The following ANKFN1 variants were observed in gnomAD, a reference collection of about 807,000 sequenced individuals.
The protein encoded by ANKFN1 is ankyrin repeat and fibronectin type-III domain-containing protein 1.
ANKFN1 carries 74 observed loss-of-function variants against 108.7 expected under a neutral mutation model. That is an observed-to-expected ratio of 0.68 (90% CI 0.56 to 0.83). The LOEUF is 0.83. Among genes scored for constraint, ANKFN1 ranks in the 40% least tolerant of loss-of-function variants. ANKFN1 has a pLI of 0.00. For synonymous variants in ANKFN1, 547 were observed against 516.2 expected (o/e 1.06, Z -0.81); for missense variants, 1,505 against 1,382.3 (o/e 1.09, Z -1.41).
At chr17:56,239,807 G>C (rs1392572768) in intron 3 of ANKFN1, among the ~76,000 whole-genome samples, 1 of 152,084 alleles carries the variant, frequency 6.6e-6, no homozygotes, top group African/African-American at 2.4e-5. Context: ...TACAAATGGG[G>C]TTCCTCAGAT....
chr17:56,154,422 G>A (rs1423677137), intron 1 of ANKFN1, among the ~76,000 whole-genome samples: 1 of 152,062 alleles, frequency 6.6e-6, no homozygotes, highest in Non-Finnish European at 1.5e-5. Context: ...AGAGATAAGT[G>A]CAAGTAAGGC....
At chr17:56,228,336 T>TTTCTTGTTTAACGGCA (rs1422168556) in intron 3 of ANKFN1, 5 of 205,666 alleles carry the variant, frequency 2.4e-5, no homozygotes, top group African/African-American at 1.2e-4. Flanking sequence ...TCACAGACTG[T>TTTCTTGTTTAACGGCA]TTCTTGTTTA....
At chr17:56,447,008 A>C (rs888345730) in intron 10 of ANKFN1, among the ~76,000 whole-genome samples, 8 of 152,006 alleles carry the variant, frequency 5.3e-5, no homozygotes, top group African/African-American at 1.9e-4. Context: ...GGATCACTTG[A>C]GGCCAGAAGT....
At chr17:56,105,070 G>A (rs1451977211) in intron 4 of ANKFN1, among the ~76,000 whole-genome samples, 2 of 152,202 alleles carry the variant, frequency 1.3e-5, no homozygotes, top group African/African-American at 2.4e-5. Flanking sequence ...TATAATGGGT[G>A]TACAGAGGGA....
chr17:56,128,914 A>G (rs935203651), intron 4 of ANKFN1, among the ~76,000 whole-genome samples: 2 of 152,194 alleles, frequency 1.3e-5, no homozygotes, highest in African/African-American at 2.4e-5. Flanking sequence ...TATTTGGGAT[A>G]AACACTGAAG....
intron 4 of ANKFN1, among the ~76,000 whole-genome samples, chr17:56,076,875 C>T (rs1905187916): frequency 6.6e-6 from 1 of 152,044 alleles, no homozygotes; most frequent in Non-Finnish European, 1.5e-5. Context: ...TGTTTGTCAC[C>T]AACCTACCTT....
At chr17:56,144,608 G>A (rs960417129) in intron 4 of ANKFN1, among the ~76,000 whole-genome samples, 10 of 152,156 alleles carry the variant, frequency 6.6e-5, no homozygotes, top group African/African-American at 2.2e-4. Context: ...CTCTCACTGA[G>A]CAAAAAGATG....
chr17:56,078,708 C>T (rs1905210303), intron 4 of ANKFN1, among the ~76,000 whole-genome samples: 1 of 152,132 alleles, frequency 6.6e-6, no homozygotes, highest in Non-Finnish European at 1.5e-5. Context: ...GGGCAGGCAT[C>T]GTGGAGCTGA....
At chr17:56,314,607 T>C (rs191719495) in intron 3 of ANKFN1, among the ~76,000 whole-genome samples, 1 of 152,210 alleles carries the variant, frequency 6.6e-6, no homozygotes, top group Non-Finnish European at 1.5e-5. Context: ...TTTCACTTTA[T>C]AGATAAGAGA....
chr17:56,222,579 A>AATT (rs1312415954), intron 2 of ANKFN1, among the ~76,000 whole-genome samples: 1 of 152,212 alleles, frequency 6.6e-6, no homozygotes, highest in Non-Finnish European at 1.5e-5. Context: ...AGACTAGGGA[A>AATT]ATTATTACAA....
intron 14 of ANKFN1, among the ~76,000 whole-genome samples, chr17:56,465,510 G>A (rs1461242097): frequency 6.6e-6 from 1 of 152,114 alleles, no homozygotes; most frequent in Non-Finnish European, 1.5e-5. Context: ...CACCTCTTAT[G>A]TGAGCTCACA....
intron 4 of ANKFN1, among the ~76,000 whole-genome samples, chr17:56,091,312 T>G (rs1027434796): frequency 2.6e-5 from 4 of 150,966 alleles, no homozygotes; most frequent in African/African-American, 9.7e-5. Flanking sequence ...ATAAGGTCAT[T>G]GAGTAAAATT....
At chr17:56,143,161 G>A (rs1244233706) in intron 4 of ANKFN1, among the ~76,000 whole-genome samples, 1 of 152,152 alleles carries the variant, frequency 6.6e-6, no homozygotes, top group Non-Finnish European at 1.5e-5. Context: ...TTAGATGAGA[G>A]GCCAAGTTTG....
In ANKFN1 at chr17:56,512,667, T is replaced by G. The variant is rs973038722; in HGVS notation, c.*1398T>G. ...GCTTCACAGGCATTTCAGTTAAATA[T>G]TGCTCTTTATGGCCCTATCCTTGTC... On this transcript the variant is annotated 3_prime_UTR_variant, in exon 21 of 21. Coordinates refer to ENST00000682825, the MANE Select transcript of ANKFN1 (RefSeq NM_001370326.1). 6.6e-6 allele frequency among the ~76,000 whole-genome samples: 1 copy of G among 152,218 alleles called. No individual in the cohort carries two copies. Among genetic ancestry groups the G allele is most frequent in the African/African-American group, 2.4e-5 (1 of 41,452 alleles).
chr17:56,157,505 C>G (rs4503860), intron 1 of ANKFN1, among the ~76,000 whole-genome samples: 6,304 of 152,258 alleles, frequency 0.041, 442 homozygotes, highest in African/African-American at 0.14. Flanking sequence ...AGTTCAGATG[C>G]AAATGGATCT....
chr17:56,282,691 A>T (rs1396085985), intron 3 of ANKFN1, among the ~76,000 whole-genome samples: 2 of 152,138 alleles, frequency 1.3e-5, no homozygotes, highest in Non-Finnish European at 2.9e-5. Context: ...TAGCAAATGA[A>T]TGCAGCACCC....
chr17:56,236,533 A>G (rs914875583), intron 3 of ANKFN1, among the ~76,000 whole-genome samples: 1 of 152,134 alleles, frequency 6.6e-6, no homozygotes, highest in African/African-American at 2.4e-5. Flanking sequence ...GTTTTTGAAC[A>G]TAATTTTGTA....
intron 8 of ANKFN1, among the ~76,000 whole-genome samples, chr17:56,390,102 C>T (rs1174479008): frequency 1.3e-5 from 2 of 151,746 alleles, no homozygotes; most frequent in Non-Finnish European, 2.9e-5. Flanking sequence ...CATAGGTATA[C>T]GTGTGCCATG....
chr17:56,315,087 T>C (rs1374631343), intron 3 of ANKFN1, among the ~76,000 whole-genome samples: 1 of 152,202 alleles, frequency 6.6e-6, no homozygotes, highest in Non-Finnish European at 1.5e-5. Flanking sequence ...CTATTTGTTT[T>C]TAATTCAATC....
Sources: gnomAD v4.1 joint callset for allele counts (sites outside exome capture counted in the v4.1 genomes callset) on GRCh38, gnomAD v4.1.1 for gene constraint, MANE v1.5 for transcripts, NCBI Gene and HGNC (gene_info 2026-07-23, HGNC 2026-07-21) for gene names.